The following MYO16 variants were observed in gnomAD, a reference collection of about 807,000 sequenced individuals.
MYO16 encodes the protein unconventional myosin-XVI.
Under a neutral mutation model 205.3 loss-of-function variants are expected in MYO16, and 94 were observed. That is an observed-to-expected ratio of 0.46 (90% CI 0.39 to 0.54). The LOEUF is 0.54. Among genes scored for constraint, MYO16 ranks in the 20% least tolerant of loss-of-function variants. The probability of loss-of-function intolerance (pLI) is 0.00; values close to 1 mark genes in which losing one functional copy is unlikely to be tolerated. For missense variants in MYO16, 2,315 were observed against 2,387.5 expected (o/e 0.97, Z 0.63); for synonymous variants, 988 against 954.0 (o/e 1.04, Z -0.66).
At chr13:108,985,535 C>T (rs1447274924) in intron 20 of MYO16, among the ~76,000 whole-genome samples, 5 of 152,148 alleles carry the variant, frequency 3.3e-5, no homozygotes, top group Non-Finnish European at 7.3e-5. Context: ...TAACTCTTAA[C>T]GATCAGTGAA....
At chr13:108,832,571 A>C (rs1316712097) in intron 9 of MYO16, among the ~76,000 whole-genome samples, 1 of 152,168 alleles carries the variant, frequency 6.6e-6, no homozygotes, top group Non-Finnish European at 1.5e-5. Context: ...GATGATGAAT[A>C]AAATCCTCTT....
chr13:109,206,748 C>G lies in MYO16; in HGVS notation c.5555C>G (p.Pro1852Arg), dbSNP rs1446693577. The G allele has an allele frequency of 6.2e-7, 1 of 1,614,044 alleles. No homozygotes were observed. Among genetic ancestry groups the G allele is most frequent in the African/African-American group, 1.3e-5 (1 of 74,930 alleles). The change falls in exon 35 of 35, where the codon CCA becomes CGA. Residue 1852 changes from proline (P) to arginine (R), a missense_variant. Pro to Arg is a moderately radical substitution (Grantham distance 103, BLOSUM62 -2). Coordinates refer to ENST00000457511, the MANE Select transcript of MYO16 (RefSeq NM_001198950.3). Reference protein sequence around the residue: ...HHAEPRVPPPPPCKKPSLLKK... With the variant: ...HHAEPRVPPPRPCKKPSLLKK... Reference sequence around the variant, plus strand: ...GCTGAGCCCAGGGTGCCTCCCCCACCACCTTGCAAGAAGCCCAGCCTTCTG... The same window carrying G: ...GCTGAGCCCAGGGTGCCTCCCCCACGACCTTGCAAGAAGCCCAGCCTTCTG...
chr13:108,632,055 G>A (rs1398841278), intron 1 of MYO16, among the ~76,000 whole-genome samples: 2 of 141,536 alleles, frequency 1.4e-5, no homozygotes, highest in Non-Finnish European at 3.0e-5. Flanking sequence ...TCCAGCCTGG[G>A]TGACAAGAGC....
chr13:108,901,824 G>A (rs911152208), intron 15 of MYO16, among the ~76,000 whole-genome samples: 3 of 152,134 alleles, frequency 2.0e-5, no homozygotes, highest in African/African-American at 7.2e-5. Context: ...AAGTAACAAA[G>A]CTAGTGCTGA....
chr13:108,970,060 C>G (rs1334085426), intron 20 of MYO16, among the ~76,000 whole-genome samples: 2 of 152,134 alleles, frequency 1.3e-5, no homozygotes, highest in Non-Finnish European at 2.9e-5. Flanking sequence ...ACCTTTGAAC[C>G]AGATAGCTGG....
At chr13:109,194,286 T>C (rs1282801452) in intron 34 of MYO16, among the ~76,000 whole-genome samples, 2 of 152,112 alleles carry the variant, frequency 1.3e-5, no homozygotes, top group African/African-American at 4.8e-5. Flanking sequence ...ACGGAAAACT[T>C]TTTTGGAAGG....
At chr13:108,696,370 G>A (rs185062147) in intron 2 of MYO16, among the ~76,000 whole-genome samples, 2 of 152,192 alleles carry the variant, frequency 1.3e-5, no homozygotes, top group Admixed American at 1.3e-4. Flanking sequence ...CACAAAGTAT[G>A]GTATACTTAT....
intron 21 of MYO16, among the ~76,000 whole-genome samples, chr13:109,003,995 A>G (rs1249271101): frequency 6.6e-6 from 1 of 152,220 alleles, no homozygotes; most frequent in Non-Finnish European, 1.5e-5. Context: ...TAATGTGGGT[A>G]TGTCTTGTAA....
intron 1 of MYO16, among the ~76,000 whole-genome samples, chr13:108,657,386 G>C (rs1180163443): frequency 6.6e-6 from 1 of 152,162 alleles, no homozygotes; most frequent in East Asian, 1.9e-4. Flanking sequence ...TAGAGGAGAA[G>C]TTATGAAAGG....
In MYO16 at chr13:108,810,506, G is replaced by T. The variant is rs145630869; in HGVS notation, c.867+3702G>T. Among the ~76,000 whole-genome samples the T allele has an allele frequency of 4.7e-3, 720 of 152,196 alleles. 4 individuals are homozygous for T. Among genetic ancestry groups the T allele is most frequent in the African/African-American group, 0.017 (688 of 41,512 alleles). ...GATAATAGAAGATTTTCAGTAAATT[G>T]CATCTCAATTATTTCACCAAGAAAA... On this transcript the variant is annotated intron_variant, in intron 7 of 34. Coordinates refer to ENST00000457511, the MANE Select transcript of MYO16 (RefSeq NM_001198950.3).
intron 21 of MYO16, among the ~76,000 whole-genome samples, chr13:109,004,883 A>G (rs561012231): frequency 2.5e-4 from 38 of 152,332 alleles, no homozygotes; most frequent in Non-Finnish European, 4.3e-4. Flanking sequence ...CTTAACAACA[A>G]CGCCTTTAAA....
rs188010469 is a variant in MYO16 at position 108,802,811 on chromosome 13, C to A, written c.742-3868C>A. 6.6e-4 allele frequency among the ~76,000 whole-genome samples: 101 copies of A among 152,222 alleles called. 1 individual carries two copies. The East Asian group carries it at 0.014, about 20-fold the overall frequency. On this transcript the variant is annotated intron_variant, in intron 6 of 34. Transcript: ENST00000457511. ...TCATTGTAGTTTTAATTTGCAGCAC[C>A]CTAATGATTAGTAATGATGAGCATT...
chr13:108,669,095 G>A (rs1175616020), intron 2 of MYO16, among the ~76,000 whole-genome samples: 2 of 152,104 alleles, frequency 1.3e-5, no homozygotes, highest in Admixed American at 1.3e-4. Flanking sequence ...AAGTGACGTA[G>A]AGAAAGAGTT....
At chr13:108,900,995 A>C (rs1031509402) in intron 15 of MYO16, among the ~76,000 whole-genome samples, 3 of 152,164 alleles carry the variant, frequency 2.0e-5, no homozygotes, top group East Asian at 1.9e-4. Context: ...TTACGGTTGT[A>C]GCAGAGGGAT....
chr13:108,510,474 T>TTTTG, the MYO16 span, among the ~76,000 whole-genome samples: 8 of 131,424 alleles, frequency 6.1e-5, no homozygotes, highest in East Asian at 1.5e-3. Context: ...TTTTTTTTTT[T>TTTTG]TTTTTTTTTT....
At chr13:108,888,500 C>T (rs754933193) in intron 14 of MYO16, 23 bp downstream of exon 14, 2 of 1,523,868 alleles carry the variant, frequency 1.3e-6, no homozygotes, top group Admixed American at 3.6e-5. Context: ...TTTGGGTTGG[C>T]AAATATGTGA....
chr13:108,833,140 G>A (rs1223902745), intron 9 of MYO16, among the ~76,000 whole-genome samples: 1 of 151,924 alleles, frequency 6.6e-6, no homozygotes, highest in Non-Finnish European at 1.5e-5. Context: ...GTTGAGAGCT[G>A]TTAGATTAAT....
the MYO16 span, among the ~76,000 whole-genome samples, chr13:108,500,571 C>A: frequency 6.6e-6 from 1 of 151,888 alleles, no homozygotes; most frequent in South Asian, 2.1e-4. Flanking sequence ...TTTTCTCCTT[C>A]TTCCTTTCCC....
intron 3 of MYO16, among the ~76,000 whole-genome samples, chr13:108,717,258 A>G (rs182131767): frequency 6.6e-6 from 1 of 151,950 alleles, no homozygotes; most frequent in East Asian, 1.9e-4. Context: ...AATAAGAACT[A>G]CTCTTTCTTT....
Sources: gnomAD v4.1 joint callset for allele counts (sites outside exome capture counted in the v4.1 genomes callset) on GRCh38, gnomAD v4.1.1 for gene constraint, MANE v1.5 for transcripts, NCBI Gene and HGNC (gene_info 2026-07-23, HGNC 2026-07-21) for gene names.